The following CLPTM1 variants were observed in gnomAD, a reference collection of about 807,000 sequenced individuals.
CLPTM1 encodes the protein CLPTM1 regulator of GABA type A receptor forward trafficking.
CLPTM1 carries 21 observed loss-of-function variants against 77.3 expected under a neutral mutation model. That is an observed-to-expected ratio of 0.27 (90% CI 0.19 to 0.39). CLPTM1 has a LOEUF of 0.39. CLPTM1 is among the 10% of genes least tolerant of loss of function. CLPTM1 has a pLI of 1.00. For missense variants in CLPTM1, 642 were observed against 921.2 expected (o/e 0.70, Z 3.92); for synonymous variants, 373 against 381.0 (o/e 0.98, Z 0.24).
In CLPTM1 at chr19:44,973,079, C is replaced by G. The variant is rs1970746737; in HGVS notation, c.186-8C>G. 1 of 1,612,820 alleles carries G rather than the reference C, an allele frequency of 6.2e-7. No individual in the cohort carries two copies. ...GGGGACTCACCACCTTGCTGCTTCT[C>G]TCCTCAGGATCTTCATCATCTGGGC... On this transcript the variant is annotated splice_polypyrimidine_tract_variant and splice_region_variant and intron_variant, in intron 2 of 13. Transcript: ENST00000337392.
intron 1 of CLPTM1, among the ~76,000 whole-genome samples, chr19:44,957,061 G>A (rs533598561): frequency 1.3e-5 from 2 of 152,276 alleles, no homozygotes; most frequent in East Asian, 1.9e-4. Flanking sequence ...AACCATATAT[G>A]TCTCCAGACA....
intron 3 of CLPTM1, 104 bp from the exon 4 acceptor site, chr19:44,974,335 A>G (rs1253511343): frequency 2.3e-5 from 27 of 1,165,726 alleles, no homozygotes; most frequent in Middle Eastern, 4.1e-4. Context: ...GTCCTCCATA[A>G]TTACTGTTCC....
In CLPTM1 at chr19:44,977,330, C is replaced by T. The variant is rs1415768278; in HGVS notation, c.469-13C>T. The T allele has an allele frequency of 5.0e-6, 8 of 1,602,896 alleles. No homozygotes were observed. Among genetic ancestry groups the T allele is most frequent in the Non-Finnish European group, 6.8e-6 (8 of 1,175,868 alleles). ...TTGCCCAGCCTGCCCACCTGACCTT[C>T]CGTCTTTTGCAGAGCGTCCAGCAGA... On this transcript the variant is annotated splice_polypyrimidine_tract_variant and intron_variant, in intron 4 of 13. Coordinates refer to ENST00000337392, the MANE Select transcript of CLPTM1 (RefSeq NM_001294.4).
At chr19:44,978,172 C>T (rs1046883316) in intron 5 of CLPTM1, among the ~76,000 whole-genome samples, 5 of 151,896 alleles carry the variant, frequency 3.3e-5, no homozygotes, top group East Asian at 1.9e-4. Flanking sequence ...TTTGGGAGGC[C>T]GAGGCGGGTG....
intron 2 of CLPTM1, among the ~76,000 whole-genome samples, chr19:44,964,747 A>G (rs1034445666): frequency 2.0e-5 from 3 of 151,792 alleles, no homozygotes; most frequent in African/African-American, 7.3e-5. Flanking sequence ...CAAGCTTCCC[A>G]TTTCTTCCTC....
chr19:44,987,485 G>A, intron 8 of CLPTM1, 62 bp downstream of exon 8: 2 of 1,596,766 alleles, frequency 1.3e-6, no homozygotes, highest in Admixed American at 3.4e-5. Context: ...AGGCCAAGAG[G>A]AAGTGTGCCA....
intron 2 of CLPTM1, among the ~76,000 whole-genome samples, chr19:44,970,326 C>T (rs892388273): frequency 2.7e-5 from 4 of 146,614 alleles, no homozygotes; most frequent in Admixed American, 1.3e-4. Context: ...TGGAGGCTTG[C>T]ACCTTGTGGG....
In CLPTM1 at chr19:44,972,454, T is replaced by C. The variant is rs542996704; in HGVS notation, c.186-633T>C. ...TTAGTAGAGACAGGGTTTCACCATGTTAGCCAGGATGGTCTCAATCTCCTG... is the reference window on the plus strand; with the variant it reads ...TTAGTAGAGACAGGGTTTCACCATGCTAGCCAGGATGGTCTCAATCTCCTG... On this transcript the variant is annotated intron_variant, in intron 2 of 13. Coordinates refer to ENST00000337392, the MANE Select transcript of CLPTM1 (RefSeq NM_001294.4). Among the ~76,000 whole-genome samples, 3 of 152,054 alleles carry C rather than the reference T, an allele frequency of 2.0e-5. No homozygotes were observed. In the East Asian group the frequency reaches 5.8e-4, roughly 30 times the overall value.
rs748854836 is a variant in CLPTM1 at position 44,986,538 on chromosome 19, G to A, written c.756G>A (p.Pro252=). ...TCAACATCGTGGACGACCACACGCC[G>A]TGGGTGAAGGGCAGTGTGCCCCCTC... The part of the protein sequence containing the change: ...ITINIVDDHT[P]WVKGSVPPPL... The change falls in exon 7 of 14, where the codon CCG becomes CCA. Residue 252 remains proline (P), a synonymous_variant. Transcript: ENST00000337392. 16 of 1,614,024 alleles carry A rather than the reference G, an allele frequency of 9.9e-6. No individual in the cohort carries two copies. Among genetic ancestry groups the A allele is most frequent in the East Asian group, 8.9e-5 (4 of 44,874 alleles).
chr19:44,959,346 C>G (rs1229618226), intron 1 of CLPTM1, among the ~76,000 whole-genome samples: 1 of 151,630 alleles, frequency 6.6e-6, no homozygotes, highest in Non-Finnish European at 1.5e-5. Flanking sequence ...AGGCATGAGC[C>G]ACCACACCTG....
chr19:44,963,811 T>C (rs1970583923), intron 2 of CLPTM1, among the ~76,000 whole-genome samples: 1 of 151,730 alleles, frequency 6.6e-6, no homozygotes, highest in Non-Finnish European at 1.5e-5. Context: ...AGAGATGGGG[T>C]TTCTCCATGT....
In CLPTM1 at chr19:44,991,170, G is replaced by A. The variant is rs1971068980; in HGVS notation, c.1420-68G>A. 1 of 1,601,202 alleles carries A rather than the reference G, an allele frequency of 6.2e-7. No individual in the cohort carries two copies. The highest frequency in any genetic ancestry group is 8.5e-7 in the Non-Finnish European group (1 of 1,172,416). ...CTGCCAGACCAGGTGTGGTGGGTGAGGGCGGGGAGCAGGGCTGCCAGGCAG... is the reference window on the plus strand; with the variant it reads ...CTGCCAGACCAGGTGTGGTGGGTGAAGGCGGGGAGCAGGGCTGCCAGGCAG... On this transcript the variant is annotated intron_variant, in intron 11 of 13. Coordinates refer to ENST00000337392, the MANE Select transcript of CLPTM1 (RefSeq NM_001294.4). This position sits in a 1 kb window ranked among gnomAD's most constrained non-coding sequence, Gnocchi z 5.4.
Position 44,955,423 on chromosome 19 carries a change from GC to G in CLPTM1, c.31del (p.Arg11AlafsTer15). 7.5e-7 allele frequency: 1 copy of G among 1,341,234 alleles called. No individual in the cohort carries two copies. 83.1% of individuals were successfully genotyped at this position (1,341,234 alleles called of 1,614,324 possible). On this transcript the variant is annotated frameshift_variant, in exon 1 of 14. Coordinates refer to ENST00000337392, the MANE Select transcript of CLPTM1 (RefSeq NM_001294.4). LOFTEE classifies it high-confidence loss of function. Reference sequence around the variant, plus strand: ...GGCGGCGGCGCAGGAGGCGGACGGGGCCCGCAGCGCCGTGGTGGCGGCCGGG... The same window carrying G: ...GGCGGCGGCGCAGGAGGCGGACGGGGCCGCAGCGCCGTGGTGGCGGCCGGG... Reference protein sequence around the residue: MAAAQEADGARSAVVAAGGG... With the variant: MAAAQEADGXRSAVVAAGGG...
At chr19:44,977,203 C>A in intron 4 of CLPTM1, 140 bp from the exon 5 acceptor site, 1 of 689,038 alleles carries the variant, frequency 1.5e-6, no homozygotes, top group Non-Finnish European at 2.6e-6. Context: ...CACCCAGCTA[C>A]ATGCCCCACC....
rs1971069356 is a variant in CLPTM1 at position 44,991,202 on chromosome 19, G to A, written c.1420-36G>A. On this transcript the variant is annotated intron_variant, in intron 11 of 13. Transcript: ENST00000337392. This position sits in a 1 kb window ranked among gnomAD's most constrained non-coding sequence, Gnocchi z 5.4. ...GAGCAGGGCTGCCAGGCAGGGCTGA[G>A]GAGCTGGCTGACAGCCCCACCCTGT... 1 of 1,612,000 alleles carries A rather than the reference G, an allele frequency of 6.2e-7. No homozygotes were observed. Among genetic ancestry groups the A allele is most frequent in the African/African-American group, 1.3e-5 (1 of 74,896 alleles).
At position 44,992,810 on chromosome 19, in the gene CLPTM1, G is replaced by A; in HGVS notation, c.1923G>A (p.Leu641=). 1 of 1,613,338 alleles carries A rather than the reference G, an allele frequency of 6.2e-7. No individual in the cohort carries two copies. The highest frequency in any genetic ancestry group is 8.5e-7 in the Non-Finnish European group (1 of 1,179,850). ...TATREEASTS[L]PTKPTQGASS... ...CCAGGGAGGAGGCCTCCACGTCCCT[G>A]CCCACCAAGCCCACCCAGGGGGCCA... The change falls in exon 14 of 14, where the codon CTG becomes CTA. Residue 641 remains leucine (L), a synonymous_variant. Transcript: ENST00000337392. The surrounding 1 kb of genome is among the most constrained non-coding windows in gnomAD (Gnocchi z 7.7).
chr19:44,972,204 A>G (rs796337836), intron 2 of CLPTM1, among the ~76,000 whole-genome samples: 2 of 150,540 alleles, frequency 1.3e-5, no homozygotes, highest in African/African-American at 4.9e-5. Flanking sequence ...TTAAATTACT[A>G]TTGACTAGAG....
chr19:44,987,173 C>T lies in CLPTM1; in HGVS notation c.794-6C>T. 6.2e-7 allele frequency: 1 copy of T among 1,606,260 alleles called. No homozygotes were observed. Among genetic ancestry groups the T allele is most frequent in the South Asian group, 1.1e-5 (1 of 90,568 alleles). ...CCAAATGGTGCCCCTGCCCCACGTG[C>T]TGCAGATGTGAAGTTCGACGCCGTG... On this transcript the variant is annotated splice_polypyrimidine_tract_variant and splice_region_variant and intron_variant, in intron 7 of 13. Transcript: ENST00000337392.
At chr19:44,978,422 A>AG (rs1227031441) in intron 5 of CLPTM1, among the ~76,000 whole-genome samples, 11 of 151,786 alleles carry the variant, frequency 7.2e-5, no homozygotes, top group Admixed American at 7.2e-4. Context: ...AAAAAAAAAA[A>AG]ATAGATAAAA....
Sources: allele counts gnomAD v4.1 joint callset (sites outside exome capture counted in the v4.1 genomes callset), GRCh38; gene constraint gnomAD v4.1.1; non-coding constraint Gnocchi (gnomAD v3.1); transcripts MANE v1.5; gene names NCBI Gene and HGNC (gene_info 2026-07-23, HGNC 2026-07-21).